INVS: variants seen among roughly 807,000 people sequenced by gnomAD.
The protein encoded by INVS is inversion of embryo turning homolog.
INVS carries 86 observed loss-of-function variants against 108.8 expected under a neutral mutation model. The ratio of observed to expected loss-of-function variants is 0.79; its 90% CI spans 0.66 to 0.95. The LOEUF (loss-of-function observed/expected upper bound fraction) is 0.95, where lower values mean the gene tolerates loss of function less well. Ranked by LOEUF, INVS falls within the 40% of genes least tolerant of loss-of-function variation. The pLI is 0.00. For synonymous variants in INVS, 455 were observed against 473.5 expected (o/e 0.96, Z 0.51); for missense variants, 1,169 against 1,297.4 (o/e 0.90, Z 1.52).
chr9:100,254,390 TC>T (rs1832345696), intron 10 of INVS, among the ~76,000 whole-genome samples: 1 of 152,234 alleles, frequency 6.6e-6, no homozygotes, highest in Non-Finnish European at 1.5e-5. Flanking sequence ...GATGGTAGTT[TC>T]TTTTGCTGTG....
At chr9:100,258,486 C>T (rs1832500307) in intron 10 of INVS, among the ~76,000 whole-genome samples, 1 of 152,186 alleles carries the variant, frequency 6.6e-6, no homozygotes, top group South Asian at 2.1e-4. Flanking sequence ...AGAAGAGGCA[C>T]TCTGATTTTT....
intron 2 of INVS, among the ~76,000 whole-genome samples, chr9:100,116,107 C>CTTTTTTTTT (rs200846946): frequency 7.8e-6 from 1 of 128,726 alleles, no homozygotes; most frequent in Non-Finnish European, 1.6e-5. Flanking sequence ...TCTTTTTTTT[C>CTTTTTTTTT]TTTTTTTTTT....
At chr9:100,291,467 A>T (rs938024022) in intron 13 of INVS, among the ~76,000 whole-genome samples, 3 of 152,158 alleles carry the variant, frequency 2.0e-5, no homozygotes, top group Admixed American at 2.0e-4. Flanking sequence ...GTTTTGAGAG[A>T]TCTGATCTTG....
chr9:100,222,463 A>G (rs904808069), intron 3 of INVS, among the ~76,000 whole-genome samples: 1 of 152,236 alleles, frequency 6.6e-6, no homozygotes, highest in Non-Finnish European at 1.5e-5. Flanking sequence ...AAGTACGAGC[A>G]TTGTACTGTT....
intron 5 of INVS, among the ~76,000 whole-genome samples, chr9:100,236,669 G>A (rs7019960): frequency 0.22 from 32,795 of 152,144 alleles, 4,269 homozygotes; most frequent in East Asian, 0.64. Flanking sequence ...CCCTGTTTGC[G>A]TGGGTATCAC....
chr9:100,212,984 C>G (rs1830878176), intron 3 of INVS, among the ~76,000 whole-genome samples: 1 of 152,134 alleles, frequency 6.6e-6, no homozygotes, highest in Admixed American at 6.6e-5. Flanking sequence ...AAGGCACCAG[C>G]AGATTCTGTG....
chr9:100,144,969 A>G (rs1346205700), intron 3 of INVS, among the ~76,000 whole-genome samples: 1 of 152,170 alleles, frequency 6.6e-6, no homozygotes, highest in Non-Finnish European at 1.5e-5. Context: ...CCTATTTTAC[A>G]ACAAGAATTA....
chr9:100,133,771 A>ACACACACACACACACG (rs1828126919), intron 3 of INVS, among the ~76,000 whole-genome samples: 1 of 101,960 alleles, frequency 9.8e-6, no homozygotes, highest in Admixed American at 8.4e-5. Flanking sequence ...AGCTACACAC[A>ACACACACACACACACG]CACACACACA....
chr9:100,265,065 C>T (rs1832747722), intron 11 of INVS, 137 bp downstream of exon 11: 1 of 677,952 alleles, frequency 1.5e-6, no homozygotes, highest in Non-Finnish European at 2.7e-6. Flanking sequence ...CCTTCAGCCT[C>T]CTGAGTACCT....
intron 8 of INVS, among the ~76,000 whole-genome samples, chr9:100,247,596 T>C (rs1832084871): frequency 6.6e-6 from 1 of 152,146 alleles, no homozygotes; most frequent in Admixed American, 6.5e-5. Context: ...ACTGTTATCC[T>C]GAATAAGATT....
intron 3 of INVS, among the ~76,000 whole-genome samples, chr9:100,203,240 G>A (rs1830582127): frequency 1.3e-5 from 2 of 151,990 alleles, no homozygotes; most frequent in Admixed American, 1.3e-4. Flanking sequence ...AACATACCCT[G>A]TAATTTTGTT....
chr9:100,112,931 T>G (rs1827388071), intron 2 of INVS, among the ~76,000 whole-genome samples: 1 of 152,198 alleles, frequency 6.6e-6, no homozygotes, highest in Non-Finnish European at 1.5e-5. Flanking sequence ...AATGAATTAC[T>G]GTTATCTTGC....
intron 11 of INVS, among the ~76,000 whole-genome samples, chr9:100,265,145 A>G (rs1299536401): frequency 1.3e-5 from 2 of 152,006 alleles, no homozygotes; most frequent in East Asian, 3.9e-4. Context: ...GGGTTTCACC[A>G]TGTTAGCTAG....
rs577561521 is a variant in INVS at position 100,294,179 on chromosome 9, T to C, written c.2786+1136T>C. 4.6e-5 allele frequency among the ~76,000 whole-genome samples: 7 copies of C among 151,670 alleles called. No individual in the cohort carries two copies. The East Asian group carries it at 1.2e-3, about 25-fold the overall frequency. On this transcript the variant is annotated intron_variant, in intron 14 of 16. Coordinates refer to ENST00000262457, the MANE Select transcript of INVS (RefSeq NM_014425.5). Reference sequence around the variant, plus strand: ...TGAGACCCTGTCTCAAGAAAAGAAATAGGTGGAAGTTATGTCGCCGCCATC... The same window carrying C: ...TGAGACCCTGTCTCAAGAAAAGAAACAGGTGGAAGTTATGTCGCCGCCATC...
chr9:100,258,544 T>G (rs1832503049), intron 10 of INVS, among the ~76,000 whole-genome samples: 1 of 152,230 alleles, frequency 6.6e-6, no homozygotes, highest in South Asian at 2.1e-4. Flanking sequence ...TTTGTGGTTT[T>G]ATGGTCTTTG....
At chr9:100,165,564 A>G (rs1829335905) in intron 3 of INVS, among the ~76,000 whole-genome samples, 1 of 152,214 alleles carries the variant, frequency 6.6e-6, no homozygotes, top group Non-Finnish European at 1.5e-5. Flanking sequence ...TTTTAAAATA[A>G]TGAATTGGTT....
intron 3 of INVS, among the ~76,000 whole-genome samples, chr9:100,223,639 G>A (rs73491444): frequency 0.17 from 26,135 of 152,112 alleles, 3,361 homozygotes; most frequent in African/African-American, 0.37. Context: ...AGTACTATGA[G>A]AGAAATGAAT....
intron 3 of INVS, among the ~76,000 whole-genome samples, chr9:100,181,317 G>T (rs1400931612): frequency 6.6e-6 from 1 of 152,184 alleles, no homozygotes; most frequent in Non-Finnish European, 1.5e-5. Flanking sequence ...TAGGAAGAGA[G>T]GAAGCCAAAT....
At position 100,196,765 on chromosome 9, in the gene INVS, T is replaced by C. The variant is rs149064539; in HGVS notation, c.274-29297T>C. 5.3e-5 allele frequency among the ~76,000 whole-genome samples: 8 copies of C among 151,178 alleles called. No individual in the cohort carries two copies. In the East Asian group the frequency reaches 1.5e-3, roughly 29 times the overall value. ...TATACATAGTTTTCTTAAATACATA[T>C]AATTATTTAAGCCTGTGAAATTTTC... On this transcript the variant is annotated intron_variant, in intron 3 of 16. Coordinates refer to ENST00000262457, the MANE Select transcript of INVS (RefSeq NM_014425.5).
Sources: gnomAD v4.1 joint callset for allele counts (sites outside exome capture counted in the v4.1 genomes callset) on GRCh38, gnomAD v4.1.1 for gene constraint, MANE v1.5 for transcripts, NCBI Gene and HGNC (gene_info 2026-07-23, HGNC 2026-07-21) for gene names.